The following DIP2A variants were observed in gnomAD, a reference collection of about 807,000 sequenced individuals.
The protein encoded by DIP2A is disco-interacting protein 2 homolog A.
A neutral mutation model predicts 177.4 loss-of-function variants in DIP2A; 85 were observed. The ratio of observed to expected loss-of-function variants is 0.48; its 90% CI spans 0.40 to 0.57. DIP2A has a LOEUF of 0.57. Ranked by LOEUF, DIP2A falls within the 20% of genes least tolerant of loss-of-function variation. The pLI is 0.00. For synonymous variants in DIP2A, 886 were observed against 881.8 expected (o/e 1.00, Z -0.08); for missense variants, 1,791 against 2,100.2 (o/e 0.85, Z 2.88).
At chr21:46,461,148 A>G (rs202065746) in intron 1 of DIP2A, among the ~76,000 whole-genome samples, 1 of 151,360 alleles carries the variant, frequency 6.6e-6, no homozygotes, top group South Asian at 2.1e-4. Context: ...ATTAAAAAAA[A>G]TTAGCTGGGC....
At chr21:46,547,348 C>T (rs2060094756) in intron 21 of DIP2A, 4 of 509,112 alleles carry the variant, frequency 7.9e-6, no homozygotes, top group Non-Finnish European at 1.1e-5. Flanking sequence ...AGAAATGGGT[C>T]TAAGTTCCTA....
At chr21:46,474,269 T>A (rs2055653868) in intron 1 of DIP2A, among the ~76,000 whole-genome samples, 1 of 152,162 alleles carries the variant, frequency 6.6e-6, no homozygotes, top group Non-Finnish European at 1.5e-5. Flanking sequence ...ATCTGAGTGG[T>A]GGGACCCAGA....
intron 15 of DIP2A, 79 bp from the exon 16 acceptor site, chr21:46,538,404 T>C: frequency 2.7e-6 from 4 of 1,487,594 alleles, no homozygotes; most frequent in Non-Finnish European, 1.8e-6. Flanking sequence ...CTCTGTGGGA[T>C]GAGGTACACG....
At chr21:46,552,033 GC>G in intron 25 of DIP2A, 129 bp downstream of exon 25, 1 of 1,101,512 alleles carries the variant, frequency 9.1e-7, no homozygotes, top group Non-Finnish European at 1.3e-6. Context: ...TGTGGACTCA[GC>G]CCCCGTCCTG....
At chr21:46,459,473 C>G (rs2054088810) in intron 1 of DIP2A, among the ~76,000 whole-genome samples, 1 of 148,702 alleles carries the variant, frequency 6.7e-6, no homozygotes, top group African/African-American at 2.5e-5. Flanking sequence ...ATGTGGGACC[C>G]CAGCACGACC....
At chr21:46,533,146 C>T (rs370950194) in intron 10 of DIP2A, among the ~76,000 whole-genome samples, 23 of 152,292 alleles carry the variant, frequency 1.5e-4, no homozygotes, top group East Asian at 9.6e-4. Context: ...TCGTTGGTGA[C>T]CAGGCCTCTC....
chr21:46,566,893 G>C (rs981122630), intron 37 of DIP2A, among the ~76,000 whole-genome samples: 1 of 152,252 alleles, frequency 6.6e-6, no homozygotes, highest in South Asian at 2.1e-4. Flanking sequence ...AGGACTTCTT[G>C]TGGGTTCTCC....
chr21:46,563,779 C>T lies in DIP2A; in HGVS notation c.4090-79C>T, dbSNP rs540737631. The T allele has an allele frequency of 1.3e-4, 208 of 1,557,800 alleles. 1 individual carries two copies. The South Asian group carries it at 2.3e-3, about 17-fold the overall frequency. ...GTCCTGCAGGCCAGCTTCTGAGGGA[C>T]GTTATTTTAATGTCACTGAATCAAG... is the stretch of plus-strand genomic sequence containing the variant. On this transcript the variant is annotated intron_variant, in intron 34 of 37. Coordinates refer to ENST00000417564, the MANE Select transcript of DIP2A (RefSeq NM_015151.4). The surrounding 1 kb of genome is among the most constrained non-coding windows in gnomAD (Gnocchi z 4.3).
chr21:46,528,892 AAAAT>A (rs1284930122), intron 8 of DIP2A, among the ~76,000 whole-genome samples, 196 bp from the exon 9 acceptor site: 8 of 152,122 alleles, frequency 5.3e-5, no homozygotes, highest in African/African-American at 1.9e-4. Flanking sequence ...TGTATTAAGA[AAAAT>A]AAATCTGTAA....
chr21:46,489,493 A>G (rs1389419660), intron 2 of DIP2A, among the ~76,000 whole-genome samples: 2 of 152,098 alleles, frequency 1.3e-5, no homozygotes, highest in Non-Finnish European at 1.5e-5. Context: ...TGGGGGGCTT[A>G]ACACTCTAGA....
At chr21:46,508,056 T>A (rs2058109196) in intron 6 of DIP2A, among the ~76,000 whole-genome samples, 1 of 150,990 alleles carries the variant, frequency 6.6e-6, no homozygotes, top group Non-Finnish European at 1.5e-5. Context: ...TTTTTTTTTT[T>A]AAATAGTGAC....
At chr21:46,508,242 G>T (rs1204046078) in intron 6 of DIP2A, among the ~76,000 whole-genome samples, 1 of 150,984 alleles carries the variant, frequency 6.6e-6, no homozygotes, top group Non-Finnish European at 1.5e-5. Context: ...GGGTCTTGCT[G>T]TGTTGACCAG....
chr21:46,547,175 C>G, intron 21 of DIP2A, 133 bp downstream of exon 21: 1 of 1,439,246 alleles, frequency 6.9e-7, no homozygotes, highest in Non-Finnish European at 9.1e-7. Context: ...TCAGAAAACT[C>G]CTAAAGTAAA....
the DIP2A span, among the ~76,000 whole-genome samples, chr21:46,575,180 G>GT: frequency 6.6e-6 from 1 of 152,126 alleles, no homozygotes; most frequent in African/African-American, 2.4e-5. Flanking sequence ...AAAACCACAT[G>GT]TGATCGTCTC....
At chr21:46,488,782 TGTTAA>T (rs1266323241) in intron 2 of DIP2A, among the ~76,000 whole-genome samples, 2 of 152,230 alleles carry the variant, frequency 1.3e-5, no homozygotes, top group Non-Finnish European at 2.9e-5. Context: ...TCTTCATATC[TGTTAA>T]GTTAAAAATA....
At chr21:46,555,941 A>G (rs1471489008) in intron 28 of DIP2A, 41 bp from the exon 29 acceptor site, 1 of 1,451,224 alleles carries the variant, frequency 6.9e-7, no homozygotes, top group Non-Finnish European at 9.7e-7. Flanking sequence ...TTCAGAATAC[A>G]TGTGGGAACA....
downstream of DIP2A, among the ~76,000 whole-genome samples, chr21:46,574,847 T>TCTACCAAACATTTAAATAACTAACA (rs2060982756): frequency 2.0e-5 from 3 of 152,162 alleles, no homozygotes; most frequent in Non-Finnish European, 2.9e-5. Flanking sequence ...ATTGGTGAAT[T>TCTACCAAACATTTAAATAACTAACA]CTACCAAACA....
intron 23 of DIP2A, 74 bp downstream of exon 23, chr21:46,550,818 C>A: frequency 6.9e-7 from 1 of 1,452,332 alleles, no homozygotes; most frequent in Non-Finnish European, 9.5e-7. Context: ...TAGGGTGCGG[C>A]CCTGCTAGAC....
In DIP2A at chr21:46,563,206, C is replaced by T. The variant is rs1408739711; in HGVS notation, c.4090-652C>T. On this transcript the variant is annotated intron_variant, in intron 34 of 37. Transcript: ENST00000417564. The surrounding 1 kb of genome is among the most constrained non-coding windows in gnomAD (Gnocchi z 4.3). The stretch of plus-strand genomic sequence containing the variant: ...ACCGTAGCTCACACCTCCCTGTGGC[C>T]CGTCGTCCCCTCCTCTTGCCTGCCC... 6.6e-6 allele frequency among the ~76,000 whole-genome samples: 1 copy of T among 152,102 alleles called. No individual in the cohort carries two copies. Among genetic ancestry groups the T allele is most frequent in the Non-Finnish European group, 1.5e-5 (1 of 68,016 alleles).
Sources: gnomAD v4.1 joint callset for allele counts (sites outside exome capture counted in the v4.1 genomes callset) on GRCh38, gnomAD v4.1.1 for gene constraint, Gnocchi (gnomAD v3.1) non-coding constraint, MANE v1.5 for transcripts, NCBI Gene and HGNC (gene_info 2026-07-23, HGNC 2026-07-21) for gene names.